Variants in SLC17A1 observed in about 807,000 individuals in gnomAD.
SLC17A1 encodes the protein sodium-dependent phosphate transport protein 1.
A neutral mutation model predicts 53.5 loss-of-function variants in SLC17A1; 51 were observed. The ratio of observed to expected loss-of-function variants is 0.95; its 90% confidence interval spans 0.76 to 1.20. The LOEUF is 1.20. SLC17A1 is among the 50% of genes most tolerant of loss of function. The probability of loss-of-function intolerance (pLI) is 0.00; values close to 1 mark genes in which losing one functional copy is unlikely to be tolerated. For missense variants in SLC17A1, 538 were observed against 568.2 expected (o/e 0.95, Z 0.54); for synonymous variants, 179 against 198.8 (o/e 0.90, Z 0.84).
chr6:25,769,221 T>C, the SLC17A1 span: 71 of 1,566,494 alleles, frequency 4.5e-5, no homozygotes, highest in South Asian at 7.2e-4. Flanking sequence ...GACTCTTTCT[T>C]TGACTCAAAT....
At chr6:25,739,868 TTTGA>T in the SLC17A1 span, among the ~76,000 whole-genome samples, 2 of 152,130 alleles carry the variant, frequency 1.3e-5, no homozygotes, top group Admixed American at 6.5e-5. Context: ...TGTTCTGTAC[TTTGA>T]TTGTGATGGT....
At chr6:25,752,959 CAAAAAAAAACA>C in the SLC17A1 span, among the ~76,000 whole-genome samples, 6 of 146,160 alleles carry the variant, frequency 4.1e-5, no homozygotes, top group South Asian at 2.2e-4. Flanking sequence ...CTCAAAAAAA[CAAAAAAAAACA>C]AAAAAAAAAC....
chr6:25,768,219 A>T, the SLC17A1 span: 2 of 217,242 alleles, frequency 9.2e-6, no homozygotes, highest in Non-Finnish European at 7.8e-6. Flanking sequence ...CAAGAGCATT[A>T]CTACACAAAA....
chr6:25,727,157 T>C, the SLC17A1 span: 1 of 1,614,168 alleles, frequency 6.2e-7, no homozygotes. Context: ...CACGTTTGGC[T>C]CACTACAGCA....
At chr6:25,805,956 GA>G (rs1292995181) in intron 10 of SLC17A1, among the ~76,000 whole-genome samples, 1 of 152,082 alleles carries the variant, frequency 6.6e-6, no homozygotes, top group Non-Finnish European at 1.5e-5. Flanking sequence ...GACAATCAAA[GA>G]ATTGGTGCCA....
the SLC17A1 span, among the ~76,000 whole-genome samples, chr6:25,757,430 T>C: frequency 4.6e-5 from 7 of 152,068 alleles, no homozygotes; most frequent in African/African-American, 1.7e-4. Context: ...TCATTGTCAG[T>C]AGTAATAGAT....
chr6:25,752,399 T>C, the SLC17A1 span, among the ~76,000 whole-genome samples: 2 of 152,164 alleles, frequency 1.3e-5, no homozygotes, highest in Non-Finnish European at 2.9e-5. Context: ...TTATCATAAA[T>C]GGAGCTTGTG....
At chr6:25,742,766 T>C in the SLC17A1 span, among the ~76,000 whole-genome samples, 1 of 152,100 alleles carries the variant, frequency 6.6e-6, no homozygotes, top group Non-Finnish European at 1.5e-5. Flanking sequence ...ATCCTGCCAC[T>C]GCACTGGGCA....
intron 5 of SLC17A1, 92 bp downstream of exon 5, chr6:25,819,419 A>T: frequency 9.3e-7 from 1 of 1,078,688 alleles, no homozygotes; most frequent in Non-Finnish European, 1.4e-6. Flanking sequence ...GCCCTTGACC[A>T]TTCAAAACAC....
chr6:25,810,716 A>G lies in SLC17A1; in HGVS notation c.1178+682T>C, dbSNP rs146478583. ...GGATGTTCCTCAAAAAATTAAAAGT[A>G]TAACCACTATATGATCCAGCAATTC... is the stretch of plus-strand genomic sequence containing the variant. On this transcript the variant is annotated intron_variant, in intron 10 of 12. Coordinates refer to ENST00000244527, the MANE Select transcript of SLC17A1 (RefSeq NM_005074.5). Among the ~76,000 whole-genome samples the G allele has an allele frequency of 5.7e-3, 863 of 152,302 alleles. 34 individuals are homozygous for G. The highest frequency in any genetic ancestry group is 0.051 in the Admixed American group (780 of 15,282).
intron 12 of SLC17A1, among the ~76,000 whole-genome samples, chr6:25,793,522 A>G (rs1278547402): frequency 1.3e-5 from 2 of 152,080 alleles, no homozygotes; most frequent in Non-Finnish European, 2.9e-5. Flanking sequence ...TGTTCTTTTT[A>G]GTATATCGGT....
the SLC17A1 span, chr6:25,726,528 C>T: frequency 1.1e-5 from 18 of 1,603,496 alleles, no homozygotes; most frequent in East Asian, 4.5e-5. Context: ...GTCCAGACAT[C>T]TCCTCGCATC....
the SLC17A1 span, among the ~76,000 whole-genome samples, chr6:25,757,083 A>G: frequency 6.6e-6 from 1 of 152,174 alleles, no homozygotes; most frequent in Non-Finnish European, 1.5e-5. Flanking sequence ...ATTTCAATTC[A>G]ATTTTGAGTG....
chr6:25,758,558 G>A, the SLC17A1 span, among the ~76,000 whole-genome samples: 1 of 151,896 alleles, frequency 6.6e-6, no homozygotes, highest in African/African-American at 2.4e-5. Context: ...TCTCCTCTAG[G>A]TTTTCTAGTT....
At chr6:25,805,374 C>T (rs1763917627) in intron 10 of SLC17A1, among the ~76,000 whole-genome samples, 2 of 151,812 alleles carry the variant, frequency 1.3e-5, no homozygotes, top group Admixed American at 1.3e-4. Flanking sequence ...ACAGCAAAAG[C>T]AATGCTAAGA....
At chr6:25,779,763 T>C (rs1462966008), downstream of SLC17A1, 1 of 152,274 alleles carries the variant, frequency 6.6e-6, no homozygotes, top group East Asian at 1.9e-4. Flanking sequence ...GAGCCGCCTC[T>C]GGAATACCTG....
At chr6:25,807,630 G>T (rs1764005015) in intron 10 of SLC17A1, among the ~76,000 whole-genome samples, 1 of 151,802 alleles carries the variant, frequency 6.6e-6, no homozygotes. Flanking sequence ...TTTTCCCTGA[G>T]TCCGTAGAGT....
chr6:25,819,911 G>C lies in SLC17A1; in HGVS notation c.212C>G (p.Pro71Arg), dbSNP rs770968165. 5 of 1,602,216 alleles carry C rather than the reference G, an allele frequency of 3.1e-6. No homozygotes were observed. The highest frequency in any genetic ancestry group is 1.3e-5 in the African/African-American group (1 of 74,450). Reference protein sequence around the residue: ...TKKLLDNIKNPMYNWSPDIQG... With the variant: ...TKKLLDNIKNRMYNWSPDIQG... The stretch of plus-strand genomic sequence containing the variant: ...GATATCTGGGCTCCAATTATACATA[G>C]GGTTCTAAAAGACAAGGGGGGACAT... Residue 71 changes from proline (P) to arginine (R), a missense_variant, in exon 4 of 13, where the codon CCT becomes CGT. By Grantham distance (103) the Pro-to-Arg change is moderately radical. Coordinates refer to ENST00000244527, the MANE Select transcript of SLC17A1 (RefSeq NM_005074.5).
intron 5 of SLC17A1, 105 bp from the exon 6 acceptor site, chr6:25,819,259 G>C: frequency 5.2e-6 from 4 of 774,268 alleles, no homozygotes; most frequent in Non-Finnish European, 8.3e-6. Flanking sequence ...AAACAAATTT[G>C]TGTATCATAA....
Sources: gnomAD v4.1 joint callset for allele counts (sites outside exome capture counted in the v4.1 genomes callset) on GRCh38, gnomAD v4.1.1 for gene constraint, MANE v1.5 for transcripts, NCBI Gene and HGNC (gene_info 2026-07-23, HGNC 2026-07-21) for gene names.